SPAG1: variants seen among roughly 807,000 people sequenced by gnomAD.
SPAG1 encodes the protein sperm-associated antigen 1.
In SPAG1, 69 loss-of-function variants were observed where a neutral mutation model predicts 100.5. That is an observed-to-expected ratio of 0.69 (90% CI 0.57 to 0.84). SPAG1 has a LOEUF of 0.84. Among genes scored for constraint, SPAG1 ranks in the 40% least tolerant of loss-of-function variants. SPAG1 has a pLI of 0.00. For synonymous variants in SPAG1, 336 were observed against 411.6 expected (o/e 0.82, Z 2.22); for missense variants, 955 against 1,133.1 (o/e 0.84, Z 2.26).
intron 3 of SPAG1, among the ~76,000 whole-genome samples, chr8:100,171,915 G>A (rs1013409129): frequency 3.3e-5 from 5 of 151,178 alleles, no homozygotes; most frequent in Non-Finnish European, 7.4e-5. Context: ...TTTTTTCTGA[G>A]ACGGAGTCTC....
Position 100,213,268 on chromosome 8 carries a change from G to A in SPAG1, c.1275G>A (p.Ala425=), listed in dbSNP as rs1423633123. Residue 425 remains alanine (A), a synonymous_variant, in exon 11 of 19, where the codon GCG becomes GCA. Transcript: ENST00000388798. Reference sequence around the variant, plus strand: ...GGAGCCCACGGCGGGCCTCTGCGGCGGCGGCGGCGGGCGGCGGCGCCACCG... The same window carrying A: ...GGAGCCCACGGCGGGCCTCTGCGGCAGCGGCGGCGGGCGGCGGCGCCACCG... ...DKRSPRRASA[A]AAAGGGATGH... is the part of the protein sequence containing the mutation. The A allele has an allele frequency of 5.0e-6, 6 of 1,210,594 alleles. No individual in the cohort carries two copies. In the East Asian group the frequency reaches 1.4e-4, roughly 28 times the overall value. 75.0% of individuals were successfully genotyped at this position (1,210,594 alleles called of 1,614,324 possible).
intron 8 of SPAG1, among the ~76,000 whole-genome samples, chr8:100,187,593 G>T (rs1816639733): frequency 6.6e-6 from 1 of 152,006 alleles, no homozygotes; most frequent in African/African-American, 2.4e-5. Flanking sequence ...AATTTTGGGA[G>T]GCCGAGGTGA....
rs1267791584 is a variant in SPAG1, at chr8:100,197,776, C to T, written c.1096+3508C>T. On this transcript the variant is annotated intron_variant, in intron 10 of 18. Coordinates refer to ENST00000388798, the MANE Select transcript of SPAG1 (RefSeq NM_003114.5). ...CGGGTTGGCCAGGCCCAGTTCATCC[C>T]GACTGGGGTATAACATAACTGATGA... Among the ~76,000 whole-genome samples, 5 of 152,266 alleles carry T rather than the reference C, an allele frequency of 3.3e-5. No individual in the cohort carries two copies. The South Asian group carries it at 6.2e-4, about 19-fold the overall frequency.
At chr8:100,215,585 C>T (rs766798985) in intron 12 of SPAG1, among the ~76,000 whole-genome samples, 36 of 152,150 alleles carry the variant, frequency 2.4e-4, no homozygotes, top group Non-Finnish European at 5.0e-4. Context: ...GTTGCCCAGG[C>T]GCCATCTCGG....
chr8:100,184,858 A>G, intron 7 of SPAG1, 125 bp downstream of exon 7: 1 of 615,730 alleles, frequency 1.6e-6, no homozygotes. Flanking sequence ...CTTGTGATTT[A>G]TCATATATTC....
chr8:100,179,146 G>A (rs1563776905), intron 4 of SPAG1, among the ~76,000 whole-genome samples: 1 of 151,438 alleles, frequency 6.6e-6, no homozygotes, highest in East Asian at 1.9e-4. Context: ...ACCTTGGAAA[G>A]CCAAGGAGGG....
Position 100,241,092 on chromosome 8 carries a change from A to C in SPAG1, c.*70A>C, listed in dbSNP as rs1041589885. On this transcript the variant is annotated 3_prime_UTR_variant, in exon 19 of 19. Coordinates refer to ENST00000388798, the MANE Select transcript of SPAG1 (RefSeq NM_003114.5). The surrounding 1 kb of genome is among the most constrained non-coding windows in gnomAD (Gnocchi z 5.1). ...GGAATGTTAATGAGATGGTATTGTA[A>C]AAGAGTTGCATGGATAAAACTTGGC... is the stretch of plus-strand genomic sequence containing the variant. 7 of 1,531,080 alleles carry C rather than the reference A, an allele frequency of 4.6e-6. No individual in the cohort carries two copies. The highest frequency in any genetic ancestry group is 5.3e-6 in the Non-Finnish European group (6 of 1,127,700). The allele number at this position is 1,531,080 out of a possible 1,614,324, so 94.8% of individuals were successfully genotyped here.
At chr8:100,202,821 A>G (rs753291738) in intron 10 of SPAG1, among the ~76,000 whole-genome samples, 24 of 151,902 alleles carry the variant, frequency 1.6e-4, no homozygotes, top group Non-Finnish European at 3.1e-4. Context: ...CCTTATGCCA[A>G]TACCACACTG....
At chr8:100,179,397 A>G (rs1426888708) in intron 4 of SPAG1, among the ~76,000 whole-genome samples, 2 of 152,160 alleles carry the variant, frequency 1.3e-5, no homozygotes, top group African/African-American at 4.8e-5. Flanking sequence ...AATAATAATA[A>G]CAATAATAAT....
At chr8:100,218,725 T>C (rs563255522) in intron 12 of SPAG1, among the ~76,000 whole-genome samples, 2 of 152,346 alleles carry the variant, frequency 1.3e-5, no homozygotes, top group East Asian at 3.9e-4. Context: ...TGGTTATTTT[T>C]TCAGAGAAGT....
chr8:100,172,672 G>A (rs898121235), intron 3 of SPAG1, among the ~76,000 whole-genome samples: 1 of 151,470 alleles, frequency 6.6e-6, no homozygotes, highest in African/African-American at 2.4e-5. Context: ...GTGTGTATGT[G>A]TGTGTGTATG....
intron 10 of SPAG1, among the ~76,000 whole-genome samples, chr8:100,205,993 T>TG (rs1817490931): frequency 1.6e-5 from 2 of 126,432 alleles, no homozygotes; most frequent in Admixed American, 9.3e-5. Flanking sequence ...CACTCCAGCC[T>TG]GGCGACAGAG....
chr8:100,212,924 TGGCTCTAGAGG>T, intron 10 of SPAG1, among the ~76,000 whole-genome samples, 155 bp from the exon 11 acceptor site: 1 of 151,984 alleles, frequency 6.6e-6, no homozygotes, highest in African/African-American at 2.4e-5. Flanking sequence ...CTGGGCCGAC[TGGCTCTAGAGG>T]TCCGGCAGCA....
At chr8:100,184,847 A>C (rs1816521093) in intron 7 of SPAG1, 114 bp downstream of exon 7, 1 of 644,964 alleles carries the variant, frequency 1.6e-6, no homozygotes, top group South Asian at 2.0e-5. Flanking sequence ...AATGTATTGT[A>C]CTTGTGATTT....
chr8:100,227,628 G>T (rs371644975), intron 14 of SPAG1, among the ~76,000 whole-genome samples: 54 of 152,266 alleles, frequency 3.5e-4, no homozygotes, highest in Middle Eastern at 3.4e-3. Context: ...ATAGCTGTGA[G>T]TTAGCAAACC....
chr8:100,203,792 C>G (rs904255570), intron 10 of SPAG1, among the ~76,000 whole-genome samples: 2 of 152,178 alleles, frequency 1.3e-5, no homozygotes, highest in African/African-American at 4.8e-5. Context: ...CAAGATTGCC[C>G]TGAGTGAGAG....
At chr8:100,194,344 G>A (rs776627468) in intron 10 of SPAG1, 76 bp downstream of exon 10, 44 of 1,550,300 alleles carry the variant, frequency 2.8e-5, no homozygotes, top group East Asian at 2.4e-4. Context: ...TTTTCTATTC[G>A]TACAGAAATT....
chr8:100,175,287 T>TTA (rs952241805), intron 3 of SPAG1, among the ~76,000 whole-genome samples: 10 of 148,662 alleles, frequency 6.7e-5, no homozygotes, highest in Non-Finnish European at 1.3e-4. Flanking sequence ...TGAAGTTCTT[T>TTA]TTTTTTTTTT....
intron 10 of SPAG1, among the ~76,000 whole-genome samples, chr8:100,212,012 C>G (rs1365895689): frequency 6.6e-6 from 1 of 152,180 alleles, no homozygotes; most frequent in Non-Finnish European, 1.5e-5. Flanking sequence ...CTCTAATAAC[C>G]CTACTGGGTT....
Sources: gnomAD v4.1 joint callset for allele counts (sites outside exome capture counted in the v4.1 genomes callset) on GRCh38, gnomAD v4.1.1 for gene constraint, Gnocchi (gnomAD v3.1) non-coding constraint, MANE v1.5 for transcripts, NCBI Gene and HGNC (gene_info 2026-07-23, HGNC 2026-07-21) for gene names.